GLB1: variants seen among roughly 807,000 people sequenced by gnomAD.
GLB1 encodes the protein galactosidase beta 1, also known as beta-galactosidase.
GLB1 carries 56 observed loss-of-function variants against 74.0 expected under a neutral mutation model. The observed-to-expected ratio is 0.76, with a 90% CI of 0.61 to 0.94. The LOEUF (loss-of-function observed/expected upper bound fraction) is 0.94. Ranked by LOEUF, GLB1 falls within the 40% of genes least tolerant of loss-of-function variation. The probability of loss-of-function intolerance (pLI) is 0.00; values close to 1 mark genes in which losing one functional copy is unlikely to be tolerated. For missense variants in GLB1, 787 were observed against 845.5 expected (o/e 0.93, Z 0.86); for synonymous variants, 323 against 323.6 (o/e 1.00, Z 0.02).
Position 33,069,077 on chromosome 3 carries a change from G to C in GLB1, c.246-107C>G, listed in dbSNP as rs568859985. ...CTATTGCTAACACATGGATAAGAGG[G>C]AGAAGGCGCTTTGAAAGAAAAATTA... On this transcript the variant is annotated intron_variant, in intron 2 of 15. Coordinates refer to ENST00000307363, the MANE Select transcript of GLB1 (RefSeq NM_000404.4). 1.9e-6 allele frequency: 3 copies of C among 1,583,738 alleles called. No individual in the cohort carries two copies. The South Asian group carries it at 3.4e-5, about 18-fold the overall frequency.
chr3:33,048,974 G>C (rs1274031968), intron 9 of GLB1, among the ~76,000 whole-genome samples: 1 of 152,042 alleles, frequency 6.6e-6, no homozygotes, highest in Non-Finnish European at 1.5e-5. Flanking sequence ...GATTATGGCA[G>C]AGGGAGGGGC....
chr3:33,091,646 T>C, intron 1 of GLB1: 1 of 984,704 alleles, frequency 1.0e-6, no homozygotes, highest in Non-Finnish European at 1.2e-6. Context: ...GATACGATAA[T>C]TATCCCCATT....
rs759828709 is a variant in GLB1, at chr3:32,997,155, G to A, written c.1924C>T (p.Pro642Ser). Residue 642 changes from proline to serine, a missense_variant, in exon 16 of 16, where the codon CCA becomes TCA. Pro to Ser is a moderately conservative substitution (Grantham distance 74). Transcript: ENST00000307363. ...TAGGTCACAGATGAGCCAATAACTG[G>A]CCTGTCCACGAACGTCACAGCACAT... ...ELCAVTFVDR[P>S]VIGSSVTYDH... is the part of the protein sequence containing the mutation. 4 of 1,614,146 alleles carry A rather than the reference G, an allele frequency of 2.5e-6. No individual in the cohort carries two copies. Among genetic ancestry groups the A allele is most frequent in the Non-Finnish European group, 3.4e-6 (4 of 1,180,044 alleles).
intron 15 of GLB1, among the ~76,000 whole-genome samples, chr3:33,001,486 G>A (rs1696566019): frequency 6.6e-6 from 1 of 152,098 alleles, no homozygotes; most frequent in South Asian, 2.1e-4. Flanking sequence ...GCAGGGCCAC[G>A]ACCCTCCTCC....
chr3:32,974,688 TAAA>T, the GLB1 span, among the ~76,000 whole-genome samples: 6 of 152,060 alleles, frequency 3.9e-5, no homozygotes, highest in African/African-American at 1.4e-4. Flanking sequence ...CTTGAGACCC[TAAA>T]AGAGTTGATG....
intron 9 of GLB1, among the ~76,000 whole-genome samples, chr3:33,049,651 C>T (rs891128224): frequency 1.3e-5 from 2 of 152,060 alleles, no homozygotes; most frequent in African/African-American, 4.8e-5. Flanking sequence ...CTCCTGACCT[C>T]GTGATCCACG....
In GLB1 at chr3:33,093,070, T is replaced by G. The variant is rs1360633797; in HGVS notation, c.75+3941A>C. The G allele has an allele frequency of 3.1e-6, 5 of 1,614,196 alleles. No individual in the cohort carries two copies. Among genetic ancestry groups the G allele is most frequent in the Non-Finnish European group, 4.2e-6 (5 of 1,180,028 alleles). ...ATATCTGGCCGAGCCTGGAGAGCTC[T>G]CTTGGCAGCCAGGGGCTGGTGAGCT... On this transcript the variant is annotated intron_variant, in intron 1 of 15. Transcript: ENST00000307363. The surrounding 1 kb of genome is among the most constrained non-coding windows in gnomAD (Gnocchi z 6.0).
At chr3:33,095,695 T>C (rs1332073379) in intron 1 of GLB1, among the ~76,000 whole-genome samples, 2 of 152,188 alleles carry the variant, frequency 1.3e-5, no homozygotes, top group Non-Finnish European at 2.9e-5. Flanking sequence ...TCCTGGTTCA[T>C]AAATCCTTCT....
the GLB1 span, among the ~76,000 whole-genome samples, chr3:32,968,206 G>A: frequency 2.6e-5 from 4 of 152,206 alleles, no homozygotes; most frequent in Non-Finnish European, 5.9e-5. Flanking sequence ...GGACATGGGC[G>A]TGAATGCAGT....
chr3:33,076,386 A>C (rs1700106466), intron 1 of GLB1, among the ~76,000 whole-genome samples: 1 of 152,212 alleles, frequency 6.6e-6, no homozygotes. Context: ...TCCAGATTCA[A>C]GGGCCCGGAT....
chr3:32,963,672 C>G, the GLB1 span, among the ~76,000 whole-genome samples: 1 of 152,102 alleles, frequency 6.6e-6, no homozygotes, highest in African/African-American at 2.4e-5. Context: ...AAAAGAATAA[C>G]TTTCAGCTAT....
chr3:33,097,008 T>TA lies in GLB1; in HGVS notation c.75+2dup, dbSNP rs587776525. 241 of 1,611,614 alleles carry TA rather than the reference T, an allele frequency of 1.5e-4. No individual in the cohort carries two copies. The highest frequency in any genetic ancestry group is 2.3e-4 in the South Asian group (21 of 90,766). On this transcript the variant is annotated splice_region_variant and intron_variant, in intron 1 of 15. Transcript: ENST00000307363. ...TCCCCGTACCCGGGTCCCGCAGACT[T>TA]ACGCGCAAGCCGCGCGTAGGGCCCA...
chr3:33,029,882 T>C (rs1237466420), intron 10 of GLB1: 2 of 148,984 alleles, frequency 1.3e-5, no homozygotes, highest in Non-Finnish European at 3.0e-5. Context: ...AAATAATCTG[T>C]ATACCAAACC....
At chr3:33,056,574 T>C (rs1014565393) in intron 6 of GLB1, among the ~76,000 whole-genome samples, 2 of 152,148 alleles carry the variant, frequency 1.3e-5, no homozygotes, top group Non-Finnish European at 2.9e-5. Flanking sequence ...CCACCATGCC[T>C]AGCCTGTAAC....
intron 4 of GLB1, among the ~76,000 whole-genome samples, chr3:33,067,292 T>C (rs1455283432): frequency 6.6e-6 from 1 of 150,822 alleles, no homozygotes; most frequent in African/African-American, 2.4e-5. Context: ...CATGAGCCAC[T>C]ACGCCCGACC....
At chr3:33,033,914 G>GC (rs1698163171) in intron 10 of GLB1, 1 of 539,574 alleles carries the variant, frequency 1.9e-6, no homozygotes, top group Non-Finnish European at 3.7e-6. Context: ...TATGATTTAT[G>GC]ATGCCCAGAT....
At chr3:33,005,786 G>A (rs1204688411) in intron 15 of GLB1, among the ~76,000 whole-genome samples, 2 of 152,288 alleles carry the variant, frequency 1.3e-5, no homozygotes, top group African/African-American at 2.4e-5. Context: ...GTGAGCCATC[G>A]CGTCGGCCAG....
chr3:33,052,130 C>T (rs1023100536), intron 7 of GLB1, 126 bp from the exon 8 acceptor site: 2 of 1,536,728 alleles, frequency 1.3e-6, no homozygotes, highest in Non-Finnish European at 1.8e-6. Flanking sequence ...ACTGCTTAAC[C>T]CAGAGACGCC....
intron 15 of GLB1, among the ~76,000 whole-genome samples, chr3:33,000,122 A>G (rs1696493653): frequency 6.6e-6 from 1 of 151,228 alleles, no homozygotes; most frequent in Non-Finnish European, 1.5e-5. Flanking sequence ...GTACTTTTTT[A>G]GAGATGAGGT....
Sources: allele counts gnomAD v4.1 joint callset (sites outside exome capture counted in the v4.1 genomes callset), GRCh38; gene constraint gnomAD v4.1.1; non-coding constraint Gnocchi (gnomAD v3.1); transcripts MANE v1.5; gene names NCBI Gene and HGNC (gene_info 2026-07-23, HGNC 2026-07-21).